The following AGBL1 variants were observed in gnomAD, a reference collection of about 807,000 sequenced individuals.
The protein encoded by AGBL1 is AGBL carboxypeptidase 1.
Under a neutral mutation model 118.9 loss-of-function variants are expected in AGBL1, and 130 were observed. The observed-to-expected ratio is 1.09, with a 90% CI of 0.95 to 1.26. The LOEUF (loss-of-function observed/expected upper bound fraction) is 1.26, where lower values mean the gene tolerates loss of function less well. AGBL1 is among the 50% of genes most tolerant of loss of function. AGBL1 has a pLI of 0.00. For synonymous variants in AGBL1, 555 were observed against 478.9 expected, an observed-to-expected ratio of 1.16 and a Z score of -2.08; for missense variants, 1,584 against 1,298.1, an observed-to-expected ratio of 1.22 and a Z score of -3.38.
rs939993926 is a variant in AGBL1 at position 86,143,759 on chromosome 15, C to T, written c.176C>T (p.Thr59Ile). 2.7e-5 allele frequency: 43 copies of T among 1,613,804 alleles called. No individual in the cohort carries two copies. Among genetic ancestry groups the T allele is most frequent in the Non-Finnish European group, 3.6e-5 (42 of 1,179,832 alleles). Residue 59 changes from threonine to isoleucine, a missense_variant, in exon 3 of 23, where the codon ACC becomes ATC. Physicochemically the swap from Thr to Ile is moderately conservative, Grantham distance 89. Transcript: ENST00000614907. The stretch of plus-strand genomic sequence containing the variant: ...GGTGGCAGTGAAGCTCTTCTGCAGA[C>T]CCTGGTAGACACAGCGAGGACAGCT... Reference protein sequence around the residue: ...SKGGSEALLQTLVDTARTAPP... With the variant: ...SKGGSEALLQILVDTARTAPP...
chr15:86,838,947 A>AAAT (rs1344562194), intron 22 of AGBL1, among the ~76,000 whole-genome samples: 2 of 146,318 alleles, frequency 1.4e-5, no homozygotes, highest in African/African-American at 5.0e-5. Context: ...CCTGTAAAAA[A>AAAT]AAAAAAAAAA....
chr15:86,610,226 G>T (rs2084638475), intron 21 of AGBL1, among the ~76,000 whole-genome samples: 1 of 152,098 alleles, frequency 6.6e-6, no homozygotes, highest in African/African-American at 2.4e-5. Context: ...TGATATATGT[G>T]GATAGTTGAA....
chr15:86,192,823 A>T (rs1161471482), intron 5 of AGBL1, among the ~76,000 whole-genome samples: 1 of 152,174 alleles, frequency 6.6e-6, no homozygotes, highest in South Asian at 2.1e-4. Context: ...TAGGTGAAAA[A>T]TGCAGATACA....
chr15:86,294,400 C>G (rs1352153719), intron 16 of AGBL1, among the ~76,000 whole-genome samples: 1 of 52,656 alleles, frequency 1.9e-5, no homozygotes, highest in African/African-American at 1.0e-4. Flanking sequence ...GAGACTTTGT[C>G]TCAAAAAAAA....
chr15:86,781,780 G>A (rs2078339604), intron 22 of AGBL1, among the ~76,000 whole-genome samples: 1 of 152,108 alleles, frequency 6.6e-6, no homozygotes, highest in South Asian at 2.1e-4. Flanking sequence ...GAGACTGGAA[G>A]CTGAAACATG....
chr15:86,862,517 C>G (rs140272118), intron 22 of AGBL1, among the ~76,000 whole-genome samples: 1 of 152,062 alleles, frequency 6.6e-6, no homozygotes, highest in Non-Finnish European at 1.5e-5. Context: ...GTCAGGAGTT[C>G]GAGACCAGCC....
At chr15:86,594,499 C>A (rs2469178) in intron 21 of AGBL1, among the ~76,000 whole-genome samples, 145,524 of 152,280 alleles carry the variant, frequency 0.96, 69,581 homozygotes, top group East Asian at 1. Flanking sequence ...GAAATATTTA[C>A]TAGAATTCAC....
At chr15:86,486,560 G>A (rs539471158) in intron 18 of AGBL1, among the ~76,000 whole-genome samples, 1 of 152,252 alleles carries the variant, frequency 6.6e-6, no homozygotes, top group Non-Finnish European at 1.5e-5. Flanking sequence ...CCATTTCCCA[G>A]AGCAGGCAAG....
At chr15:86,926,974 C>T (rs2141628673) in intron 23 of AGBL1, among the ~76,000 whole-genome samples, 2 of 151,956 alleles carry the variant, frequency 1.3e-5, no homozygotes, top group South Asian at 4.1e-4. Flanking sequence ...CCCGTCTCTA[C>T]TAAAAATGCA....
chr15:87,000,826 C>G lies in AGBL1; in HGVS notation c.3323+12738C>G, dbSNP rs766592684. Among the ~76,000 whole-genome samples, 1,410 of 147,016 alleles carry G rather than the reference C, an allele frequency of 9.6e-3. 41 individuals carry two copies. Among genetic ancestry groups the G allele is most frequent in the African/African-American group, 0.032 (1,269 of 39,558 alleles). On this transcript the variant is annotated intron_variant, in intron 24 of 24. Transcript: ENST00000441037. ...CTGTAAATTACCTTGGGCAGTATGG[C>G]CACTTTCACGATATTGATTCTTCCT...
intron 17 of AGBL1, among the ~76,000 whole-genome samples, chr15:86,347,545 T>C (rs1444082685): frequency 2.0e-5 from 3 of 152,266 alleles, no homozygotes; most frequent in African/African-American, 7.2e-5. Flanking sequence ...TAGCCACAGC[T>C]ATAATTGCTC....
chr15:86,683,416 C>T (rs1192521375), intron 22 of AGBL1, among the ~76,000 whole-genome samples: 1 of 152,274 alleles, frequency 6.6e-6, no homozygotes, highest in Admixed American at 6.5e-5. Flanking sequence ...AGTGAAAGTA[C>T]ATTTTCTTCA....
intron 17 of AGBL1, among the ~76,000 whole-genome samples, chr15:86,322,550 T>A (rs752094643): frequency 2.0e-5 from 3 of 152,170 alleles, no homozygotes; most frequent in African/African-American, 7.2e-5. Context: ...ATTTTTAATG[T>A]CGGTTTTTTC....
intron 19 of AGBL1, among the ~76,000 whole-genome samples, chr15:86,541,265 T>G (rs2083490691): frequency 6.6e-6 from 1 of 152,148 alleles, no homozygotes; most frequent in Non-Finnish European, 1.5e-5. Context: ...ACCCGGAAAC[T>G]TGCCAGAAAT....
rs183962663 is a variant in AGBL1, at chr15:86,696,050, A to G, written c.3158+21614A>G. Among the ~76,000 whole-genome samples, 264 of 152,020 alleles carry G rather than the reference A, an allele frequency of 1.7e-3. 3 individuals are homozygous for G. In the East Asian group the frequency reaches 0.022, roughly 12 times the overall value. The stretch of plus-strand genomic sequence containing the variant: ...TTCCATGTGCTCATGAGTAGAATGC[A>G]TATTCTGTGGTTATTGGTTAGAATG... On this transcript the variant is annotated intron_variant, in intron 22 of 22. Transcript: ENST00000614907.
chr15:86,833,199 CA>C (rs2079129816), intron 22 of AGBL1, among the ~76,000 whole-genome samples: 2 of 152,074 alleles, frequency 1.3e-5, no homozygotes, highest in Non-Finnish European at 2.9e-5. Flanking sequence ...GGGACCCAGC[CA>C]AACCATATCA....
intron 18 of AGBL1, among the ~76,000 whole-genome samples, chr15:86,484,244 T>C (rs1399269472): frequency 2.0e-5 from 3 of 151,912 alleles, no homozygotes; most frequent in Non-Finnish European, 4.4e-5. Context: ...GGAGAAACCA[T>C]GAGGGGAAGG....
intron 3 of AGBL1, among the ~76,000 whole-genome samples, chr15:86,144,733 G>T (rs942598708): frequency 3.3e-5 from 5 of 152,124 alleles, no homozygotes; most frequent in Non-Finnish European, 7.4e-5. Flanking sequence ...ATACCTGGAT[G>T]CTGAAATAAT....
At chr15:86,597,201 T>C (rs2084424170) in intron 21 of AGBL1, among the ~76,000 whole-genome samples, 2 of 152,162 alleles carry the variant, frequency 1.3e-5, no homozygotes, top group Non-Finnish European at 2.9e-5. Context: ...GCTAGCCAGC[T>C]ATCCATCTAT....
Sources: gnomAD v4.1 joint callset for allele counts (sites outside exome capture counted in the v4.1 genomes callset) on GRCh38, gnomAD v4.1.1 for gene constraint, MANE v1.5 for transcripts, NCBI Gene and HGNC (gene_info 2026-07-23, HGNC 2026-07-21) for gene names.